The following MCU variants were observed in gnomAD, a reference collection of about 807,000 sequenced individuals.
MCU encodes calcium uniporter protein, mitochondrial.
MCU carries 12 observed loss-of-function variants against 45.2 expected under a neutral mutation model. The observed-to-expected ratio is 0.27, with a 90% confidence interval of 0.17 to 0.43. MCU has a LOEUF of 0.43. Ranked by LOEUF, MCU falls within the 20% of genes least tolerant of loss-of-function variation. The probability of loss-of-function intolerance (pLI) is 1.00; values close to 1 mark genes in which losing one functional copy is unlikely to be tolerated. For synonymous variants in MCU, 160 were observed against 165.1 expected, an observed-to-expected ratio of 0.97 and a Z score of 0.24; for missense variants, 324 against 436.7, an observed-to-expected ratio of 0.74 and a Z score of 2.30.
chr10:72,755,071 T>TA (rs1843555465), intron 1 of MCU, among the ~76,000 whole-genome samples: 1 of 152,066 alleles, frequency 6.6e-6, no homozygotes, highest in South Asian at 2.1e-4. Flanking sequence ...GTATAGTGGT[T>TA]AAAAGCATGG....
At chr10:72,751,307 A>G (rs1037600810) in intron 1 of MCU, among the ~76,000 whole-genome samples, 5 of 126,332 alleles carry the variant, frequency 4.0e-5, no homozygotes, top group Non-Finnish European at 6.6e-5. Flanking sequence ...CCAGCCTCAA[A>G]TGGTTTTTTT....
chr10:72,870,883 T>C (rs1026603618), intron 5 of MCU, among the ~76,000 whole-genome samples: 1 of 152,066 alleles, frequency 6.6e-6, no homozygotes, highest in Non-Finnish European at 1.5e-5. Context: ...AAAATACAAA[T>C]GCCCTGAATA....
At chr10:72,878,569 A>C (rs1239829456) in intron 6 of MCU, among the ~76,000 whole-genome samples, 2 of 152,220 alleles carry the variant, frequency 1.3e-5, no homozygotes, top group Non-Finnish European at 2.9e-5. Flanking sequence ...TACTATATTC[A>C]GGGAGATAAA....
chr10:72,779,338 A>G (rs1843952560), intron 1 of MCU, among the ~76,000 whole-genome samples: 1 of 152,222 alleles, frequency 6.6e-6, no homozygotes, highest in Non-Finnish European at 1.5e-5. Flanking sequence ...AACTCTGAAG[A>G]CAACAGGTGT....
At position 72,714,222 on chromosome 10, in the gene MCU, C is replaced by T. The variant is rs1012171722; in HGVS notation, c.150+21921C>T. Among the ~76,000 whole-genome samples, 11 of 151,974 alleles carry T rather than the reference C, an allele frequency of 7.2e-5. 1 individual carries two copies. In the South Asian group the frequency reaches 2.3e-3, roughly 32 times the overall value. Reference sequence around the variant, plus strand: ...CCTCATGATTTGCCCACCGCGGCCTCCCAAAGTGCTGGGATTACAGGCATG... The same window carrying T: ...CCTCATGATTTGCCCACCGCGGCCTTCCAAAGTGCTGGGATTACAGGCATG... On this transcript the variant is annotated intron_variant, in intron 1 of 7. Coordinates refer to ENST00000373053, the MANE Select transcript of MCU (RefSeq NM_138357.3).
intron 1 of MCU, among the ~76,000 whole-genome samples, chr10:72,798,072 T>C (rs1844278840): frequency 6.6e-6 from 1 of 152,120 alleles, no homozygotes; most frequent in South Asian, 2.1e-4. Flanking sequence ...TTTTTAATTA[T>C]TCTGCTCTAT....
At chr10:72,832,485 T>C (rs1334104758) in intron 1 of MCU, among the ~76,000 whole-genome samples, 2 of 152,076 alleles carry the variant, frequency 1.3e-5, no homozygotes, top group Non-Finnish European at 2.9e-5. Context: ...TGGACAAGAC[T>C]TAGTCCAAAA....
At chr10:72,750,800 A>G (rs1843483080) in intron 1 of MCU, among the ~76,000 whole-genome samples, 1 of 152,078 alleles carries the variant, frequency 6.6e-6, no homozygotes, top group Non-Finnish European at 1.5e-5. Flanking sequence ...TCTCATCCCT[A>G]ACCCCCCTGA....
At chr10:72,790,183 G>C (rs1274202897) in intron 1 of MCU, among the ~76,000 whole-genome samples, 1 of 152,152 alleles carries the variant, frequency 6.6e-6, no homozygotes, top group Admixed American at 6.5e-5. Context: ...CAGCATTGAA[G>C]TCCCAACAGC....
At chr10:72,719,784 C>G (rs906967588) in intron 1 of MCU, among the ~76,000 whole-genome samples, 2 of 152,148 alleles carry the variant, frequency 1.3e-5, no homozygotes, top group Non-Finnish European at 2.9e-5. Flanking sequence ...TTAAAATATA[C>G]AATTAAATTA....
intron 1 of MCU, chr10:72,693,142 AAG>A: frequency 2.8e-6 from 4 of 1,442,438 alleles, no homozygotes; most frequent in Non-Finnish European, 3.8e-6. Context: ...CTGGCAGAAA[AAG>A]AGGATTTCTG....
intron 2 of MCU, among the ~76,000 whole-genome samples, chr10:72,852,299 G>A (rs1220256842): frequency 1.3e-5 from 2 of 152,184 alleles, no homozygotes; most frequent in Non-Finnish European, 2.9e-5. Flanking sequence ...ACTTTAGATA[G>A]TACATGCTAT....
chr10:72,804,516 C>G (rs948071558), intron 1 of MCU, among the ~76,000 whole-genome samples: 2 of 152,158 alleles, frequency 1.3e-5, no homozygotes, highest in African/African-American at 4.8e-5. Flanking sequence ...TCTTCATACT[C>G]TTTGATCACT....
chr10:72,805,163 C>CTTTCTTTCTG (rs1187966928), intron 1 of MCU, among the ~76,000 whole-genome samples: 140 of 134,680 alleles, frequency 1.0e-3, no homozygotes, highest in Admixed American at 9.1e-3. Context: ...TTCTTTCTGT[C>CTTTCTTTCTG]TCTCTCTCTC....
At chr10:72,695,231 TCTTTTA>T (rs1842671383) in intron 1 of MCU, among the ~76,000 whole-genome samples, 1 of 151,026 alleles carries the variant, frequency 6.6e-6, no homozygotes, top group South Asian at 2.1e-4. Context: ...AATTACTACA[TCTTTTA>T]CTTAAGTCTG....
intron 1 of MCU, among the ~76,000 whole-genome samples, chr10:72,731,473 A>T (rs1307022560): frequency 6.6e-6 from 1 of 152,160 alleles, no homozygotes; most frequent in Non-Finnish European, 1.5e-5. Flanking sequence ...GCATAACATA[A>T]CATTCACCCT....
intron 1 of MCU, among the ~76,000 whole-genome samples, chr10:72,721,545 A>G (rs1014879976): frequency 6.6e-6 from 1 of 152,182 alleles, no homozygotes; most frequent in African/African-American, 2.4e-5. Flanking sequence ...CATGCTGAAC[A>G]TGCACCTACC....
intron 1 of MCU, among the ~76,000 whole-genome samples, chr10:72,809,114 G>T (rs933071283): frequency 6.6e-6 from 1 of 152,218 alleles, no homozygotes; most frequent in African/African-American, 2.4e-5. Context: ...ATATTAGAAG[G>T]ACAAAAGATT....
At chr10:72,741,098 C>CTTTTTTTT (rs11310286) in intron 1 of MCU, among the ~76,000 whole-genome samples, 6 of 124,656 alleles carry the variant, frequency 4.8e-5, no homozygotes, top group South Asian at 2.4e-4. Context: ...TTTTCTTTTT[C>CTTTTTTTT]TTTTTTTTTT....
Sources: gnomAD v4.1 joint callset for allele counts (sites outside exome capture counted in the v4.1 genomes callset) on GRCh38, gnomAD v4.1.1 for gene constraint, MANE v1.5 for transcripts, NCBI Gene and HGNC (gene_info 2026-07-23, HGNC 2026-07-21) for gene names.